NOX5: variants seen among roughly 807,000 people sequenced by gnomAD.
NOX5 encodes the protein NADPH oxidase, EF-hand calcium binding domain 5.
Under a neutral mutation model 85.7 loss-of-function variants are expected in NOX5, and 76 were observed. The observed-to-expected ratio is 0.89, with a 90% CI of 0.74 to 1.07. The LOEUF (loss-of-function observed/expected upper bound fraction) is 1.07, where lower values mean the gene tolerates loss of function less well. Among genes scored for constraint, NOX5 ranks in the 50% least tolerant of loss-of-function variants. The pLI is 0.00. For missense variants in NOX5, 973 were observed against 999.5 expected, an observed-to-expected ratio of 0.97 and a Z score of 0.36; for synonymous variants, 405 against 401.4, an observed-to-expected ratio of 1.01 and a Z score of -0.11.
chr15:69,023,024 G>C, intron 1 of NOX5: 3 of 482,812 alleles, frequency 6.2e-6, no homozygotes, highest in Non-Finnish European at 1.3e-5. Context: ...TGTTCCATGG[G>C]CCTGCTTAAG....
Position 69,031,821 on chromosome 15 carries a change from G to C in NOX5, c.620+9G>C. On this transcript the variant is annotated intron_variant, in intron 4 of 15. Coordinates refer to ENST00000388866, the MANE Select transcript of NOX5 (RefSeq NM_024505.4). ...GAGAACCTGACCATCAGGTACGGCCGGGTCTCGGGCATTGGCACTGTCCAC... is the reference window on the plus strand; with the variant it reads ...GAGAACCTGACCATCAGGTACGGCCCGGTCTCGGGCATTGGCACTGTCCAC... 1 of 1,589,794 alleles carries C rather than the reference G, an allele frequency of 6.3e-7. No individual in the cohort carries two copies. The highest frequency in any genetic ancestry group is 1.1e-5 in the South Asian group (1 of 89,434).
At chr15:69,050,221 G>A (rs1241422274) in intron 14 of NOX5, among the ~76,000 whole-genome samples, 4 of 152,248 alleles carry the variant, frequency 2.6e-5, no homozygotes, top group East Asian at 1.9e-4. Flanking sequence ...ACCACCATTT[G>A]TCCAATTATC....
chr15:69,014,755 C>A lies in NOX5; in HGVS notation c.20C>A (p.Pro7Gln). Reference protein sequence around the residue: MNTSGDPAQTGPEGCRG... With the variant: MNTSGDQAQTGPEGCRG... The stretch of plus-strand genomic sequence containing the variant: ...GAGAAGATGAACACATCTGGAGACC[C>A]AGCCCAGACGGGCCCTGAAGGCTGT... Residue 7 changes from proline to glutamine, a missense_variant, in exon 1 of 16, where the codon CCA becomes CAA. By Grantham distance (76) the Pro-to-Gln change is moderately conservative. Coordinates refer to ENST00000388866, the MANE Select transcript of NOX5 (RefSeq NM_024505.4). 6.4e-7 allele frequency: 1 copy of A among 1,550,558 alleles called. No homozygotes were observed. The highest frequency in any genetic ancestry group is 1.2e-5 in the South Asian group (1 of 84,052).
At chr15:69,015,799 G>C (rs1040321763) in intron 1 of NOX5, among the ~76,000 whole-genome samples, 3 of 152,040 alleles carry the variant, frequency 2.0e-5, no homozygotes, top group South Asian at 2.1e-4. Context: ...ATGTCTTTGG[G>C]GGGGCAGTGA....
chr15:69,051,778 G>T (rs1403031110), intron 14 of NOX5, among the ~76,000 whole-genome samples: 2 of 152,012 alleles, frequency 1.3e-5, no homozygotes, highest in African/African-American at 4.8e-5. Context: ...CTGATGAAAT[G>T]AGAATAAAAA....
Position 69,060,375 on chromosome 15 carries a change from G to A in NOX5, c.*3679G>A, listed in dbSNP as rs771941374. ...TGGACAAACCTTTGCCCTCTGGGAG[G>A]CAGGGCACTGAGTCCTACACTTGCC... On this transcript the variant is annotated 3_prime_UTR_variant, in exon 16 of 16. Coordinates refer to ENST00000388866, the MANE Select transcript of NOX5 (RefSeq NM_024505.4). The A allele has an allele frequency of 6.6e-6, 1 of 152,218 alleles. No individual in the cohort carries two copies. Among genetic ancestry groups the A allele is most frequent in the East Asian group, 1.9e-4 (1 of 5,196 alleles). The allele number at this position is 152,218 out of a possible 1,614,324, so 9.4% of individuals were successfully genotyped here. A position where few individuals can be genotyped will look rare whatever the true frequency, so the allele number is the denominator to read the frequency against.
chr15:69,028,928 G>A (rs939861609), intron 3 of NOX5: 1 of 151,362 alleles, frequency 6.6e-6, no homozygotes, highest in African/African-American at 2.4e-5. Context: ...TTACAAAAAT[G>A]AACATTTTGA....
intron 1 of NOX5, chr15:69,024,213 A>G (rs1016602257): frequency 1.3e-5 from 2 of 152,186 alleles, no homozygotes; most frequent in African/African-American, 4.8e-5. Context: ...GTGTCCTCAC[A>G]TAAAAAATGA....
chr15:69,035,741 T>C lies in NOX5; in HGVS notation c.1010-17T>C, dbSNP rs771304185. ...GCTGGTCTTGCAGTCACTCAACCTT[T>C]CTGAGCTTGTTTCCAGTACTCCAGG... On this transcript the variant is annotated splice_polypyrimidine_tract_variant and intron_variant, in intron 6 of 15. Transcript: ENST00000388866. 2 of 1,611,496 alleles carry C rather than the reference T, an allele frequency of 1.2e-6. No homozygotes were observed. Among genetic ancestry groups the C allele is most frequent in the Non-Finnish European group, 1.7e-6 (2 of 1,178,476 alleles).
chr15:69,025,890 C>G (rs2050351402), intron 1 of NOX5, among the ~76,000 whole-genome samples: 2 of 152,180 alleles, frequency 1.3e-5, no homozygotes, highest in African/African-American at 4.8e-5. Context: ...TCATAGAAGA[C>G]AACCTGGGCC....
At chr15:69,015,836 A>G (rs1440454956) in intron 1 of NOX5, among the ~76,000 whole-genome samples, 1 of 147,778 alleles carries the variant, frequency 6.8e-6, no homozygotes, top group Non-Finnish European at 1.5e-5. Flanking sequence ...GCTCAGGGAC[A>G]TGAGAAGCAG....
intron 1 of NOX5, among the ~76,000 whole-genome samples, chr15:69,025,906 A>T (rs1292332244): frequency 1.3e-5 from 2 of 152,160 alleles, no homozygotes; most frequent in African/African-American, 4.8e-5. Context: ...GGGCCTGAAG[A>T]GTTAAGACCT....
Position 69,037,165 on chromosome 15 carries a change from C to T in NOX5, c.1326C>T (p.Arg442=). 6.2e-7 allele frequency: 1 copy of T among 1,614,044 alleles called. No homozygotes were observed. Among genetic ancestry groups the T allele is most frequent in the Non-Finnish European group, 8.5e-7 (1 of 1,180,042 alleles). The change falls in exon 8 of 16, where the codon CGC becomes CGT. Residue 442 remains arginine, a synonymous_variant. Coordinates refer to ENST00000388866, the MANE Select transcript of NOX5 (RefSeq NM_024505.4). ...AGGCCATCGGACTGGCAGTGTCCCGCATGGCAGCCGTGTGCATCATGGAAG... is the reference window on the plus strand; with the variant it reads ...AGGCCATCGGACTGGCAGTGTCCCGTATGGCAGCCGTGTGCATCATGGAAG... ...LEKAIGLAVS[R]MAAVCIMEVN... is the part of the protein sequence containing the mutation.
chr15:69,056,553 C>T lies in NOX5; in HGVS notation c.2167-12C>T. On this transcript the variant is annotated splice_polypyrimidine_tract_variant and intron_variant, in intron 15 of 15. Transcript: ENST00000388866. ...TCTTCCCTCTTCTCTTCCTCAACCC[C>T]ACTGACTCCAGGTGTTCCAGAAAGT... The T allele has an allele frequency of 6.2e-7, 1 of 1,611,978 alleles. No individual in the cohort carries two copies. The highest frequency in any genetic ancestry group is 1.7e-5 in the Admixed American group (1 of 59,862).
chr15:69,047,109 T>G (rs2050683481), intron 11 of NOX5: 1 of 580,262 alleles, frequency 1.7e-6, no homozygotes, highest in Admixed American at 3.0e-5. Flanking sequence ...GTGTACAGTG[T>G]ATAGGCCTAC....
In NOX5 at chr15:69,042,791, C is replaced by T; in HGVS notation, c.1633C>T (p.Gln545Ter). 2 of 1,613,814 alleles carry T rather than the reference C, an allele frequency of 1.2e-6. No individual in the cohort carries two copies. The highest frequency in any genetic ancestry group is 2.2e-5 in the East Asian group (1 of 44,878). The change falls in exon 10 of 16, where the codon CAA becomes TAA. Residue 545 changes from glutamine to a stop codon, truncating the protein, a stop_gained. Transcript: ENST00000388866. LOFTEE classifies it high-confidence loss of function. Reference sequence around the variant, plus strand: ...GAGGAGTGTGACAATGAGAAAGAGTCAAAGGTCGTCCAAGGTAGGTGGCTA... The same window carrying T: ...GAGGAGTGTGACAATGAGAAAGAGTTAAAGGTCGTCCAAGGTAGGTGGCTA... ...LSRSVTMRKS[Q>*]RSSKGSEILL... is the part of the protein sequence containing the mutation.
rs1446131740 is a variant in NOX5 at position 69,061,967 on chromosome 15, T to C, written c.*5271T>C. 1.3e-5 allele frequency: 2 copies of C among 152,172 alleles called. No individual in the cohort carries two copies. The highest frequency in any genetic ancestry group is 1.3e-4 in the Admixed American group (2 of 15,276). 9.4% of individuals were successfully genotyped at this position (152,172 alleles called of 1,614,324 possible). On this transcript the variant is annotated 3_prime_UTR_variant, in exon 16 of 16. Transcript: ENST00000388866. ...CTTGTCTTTAAATAACCCTAAAGAATGTTCAAGAACAGTGAATGATTTGTC... is the reference window on the plus strand; with the variant it reads ...CTTGTCTTTAAATAACCCTAAAGAACGTTCAAGAACAGTGAATGATTTGTC...
intron 9 of NOX5, among the ~76,000 whole-genome samples, chr15:69,042,066 T>C (rs1412035410): frequency 8.9e-6 from 1 of 111,770 alleles, no homozygotes. Flanking sequence ...GAATCCCTGG[T>C]TTAAAAAAAA....
chr15:69,034,312 G>A (rs982132065), intron 5 of NOX5, among the ~76,000 whole-genome samples: 1 of 152,060 alleles, frequency 6.6e-6, no homozygotes, highest in Non-Finnish European at 1.5e-5. Flanking sequence ...GGGATGTTTC[G>A]ATACATGCAA....
Sources: allele counts gnomAD v4.1 joint callset (sites outside exome capture counted in the v4.1 genomes callset), GRCh38; gene constraint gnomAD v4.1.1; transcripts MANE v1.5; gene names NCBI Gene and HGNC (gene_info 2026-07-23, HGNC 2026-07-21).